Variants in RANBP3L observed in about 807,000 individuals in gnomAD.
RANBP3L encodes the protein ran-binding protein 3-like.
A neutral mutation model predicts 67.2 loss-of-function variants in RANBP3L; 56 were observed. The observed-to-expected ratio is 0.83, with a 90% CI of 0.67 to 1.04. RANBP3L has a LOEUF of 1.04. Among genes scored for constraint, RANBP3L ranks in the 50% least tolerant of loss-of-function variants. RANBP3L has a pLI of 0.00. For missense variants in RANBP3L, 496 were observed against 535.5 expected, an observed-to-expected ratio of 0.93 and a Z score of 0.73; for synonymous variants, 164 against 181.4, an observed-to-expected ratio of 0.90 and a Z score of 0.77.
At chr5:36,252,283 G>T (rs936796475) in intron 12 of RANBP3L, among the ~76,000 whole-genome samples, 1 of 151,634 alleles carries the variant, frequency 6.6e-6, no homozygotes, top group East Asian at 1.9e-4. Context: ...CGCATTAGTG[G>T]GATTAATGGA....
intron 1 of RANBP3L, among the ~76,000 whole-genome samples, chr5:36,297,012 T>A (rs1752263807): frequency 6.6e-6 from 1 of 152,104 alleles, no homozygotes; most frequent in Non-Finnish European, 1.5e-5. Context: ...TCTCTCACCC[T>A]CTCTCTTCTC....
At position 36,265,989 on chromosome 5, in the gene RANBP3L, A is replaced by AC. The variant is rs1561111191; in HGVS notation, c.269-470_269-469insG. On this transcript the variant is annotated intron_variant, in intron 4 of 13. Transcript: ENST00000296604. ...CGAGACTCCATTTCAAAAAAAAAAA[A>AC]AAAAAAAAAAAGATATTGCCGGATG... Among the ~76,000 whole-genome samples, 45 of 149,826 alleles carry AC rather than the reference A, an allele frequency of 3.0e-4. 1 individual carries two copies. Among genetic ancestry groups the AC allele is most frequent in the African/African-American group, 1.1e-3 (44 of 39,484 alleles).
At chr5:36,271,930 T>A (rs1344799255) in intron 1 of RANBP3L, among the ~76,000 whole-genome samples, 1 of 152,172 alleles carries the variant, frequency 6.6e-6, no homozygotes, top group Non-Finnish European at 1.5e-5. Flanking sequence ...AGAGAGAAAC[T>A]CATTCATTCT....
chr5:36,288,221 T>C (rs1004331750), intron 1 of RANBP3L, among the ~76,000 whole-genome samples: 3 of 152,354 alleles, frequency 2.0e-5, no homozygotes, highest in East Asian at 3.9e-4. Context: ...TAGTTTTGCC[T>C]GTAGAAATAT....
At position 36,265,113 on chromosome 5, in the gene RANBP3L, A is replaced by G; in HGVS notation, c.341-15T>C. ...TTTCACAGGACCTTAAAAGAATAGA[A>G]TTAAAGGATAAATATATGTTTACTG... On this transcript the variant is annotated splice_polypyrimidine_tract_variant and intron_variant, in intron 5 of 13. Transcript: ENST00000296604. 1 of 1,499,368 alleles carries G rather than the reference A, an allele frequency of 6.7e-7. No individual in the cohort carries two copies. Among genetic ancestry groups the G allele is most frequent in the Non-Finnish European group, 9.2e-7 (1 of 1,090,258 alleles). 92.9% of individuals were successfully genotyped at this position (1,499,368 alleles called of 1,614,324 possible). A position where few individuals can be genotyped will look rare whatever the true frequency, so the allele number is the denominator to read the frequency against.
chr5:36,296,214 T>C (rs889704204), intron 1 of RANBP3L, among the ~76,000 whole-genome samples: 6 of 152,164 alleles, frequency 3.9e-5, no homozygotes, highest in African/African-American at 7.2e-5. Flanking sequence ...AATTATCAAA[T>C]CTGAGGGGTT....
Position 36,301,511 on chromosome 5 carries a change from CAT to C in RANBP3L, c.-97_-96del, listed in dbSNP as rs1377768354. 188 of 821,160 alleles carry C rather than the reference CAT, an allele frequency of 2.3e-4. 1 individual carries two copies. In the East Asian group the frequency reaches 4.4e-3, roughly 19 times the overall value. 50.9% of individuals were successfully genotyped at this position (821,160 alleles called of 1,614,324 possible). A position where few individuals can be genotyped will look rare whatever the true frequency, so the allele number is the denominator to read the frequency against. On this transcript the variant is annotated 5_prime_UTR_variant, in exon 1 of 14. An upstream start codon of the reference 5' UTR is lost. Transcript: ENST00000296604. ...GGCCTTCACCAGACACCCAGAAATA[CAT>C]AGATTCATGCAGATCTTGTCTTTGC...
intron 6 of RANBP3L, among the ~76,000 whole-genome samples, chr5:36,264,378 C>T (rs1374272158): frequency 6.6e-6 from 1 of 152,154 alleles, no homozygotes; most frequent in African/African-American, 2.4e-5. Flanking sequence ...TCCCCAAACC[C>T]ATATCTGCAC....
chr5:36,268,113 T>C lies in RANBP3L; in HGVS notation c.268+1277A>G, dbSNP rs970456623. On this transcript the variant is annotated intron_variant, in intron 4 of 13. Transcript: ENST00000296604. Reference sequence around the variant, plus strand: ...TAAAGTGTCAGCATTTTATGATCGCTAAAAAAGAAAAGTCATCATTAATAA... The same window carrying C: ...TAAAGTGTCAGCATTTTATGATCGCCAAAAAAGAAAAGTCATCATTAATAA... The C allele has an allele frequency of 3.0e-5, 28 of 934,068 alleles. No homozygotes were observed. In the African/African-American group the frequency reaches 4.2e-4, roughly 14 times the overall value. 57.9% of individuals were successfully genotyped at this position (934,068 alleles called of 1,614,324 possible). A position where few individuals can be genotyped will look rare whatever the true frequency, so the allele number is the denominator to read the frequency against.
intron 10 of RANBP3L, 110 bp downstream of exon 10, chr5:36,256,831 C>A: frequency 1.0e-6 from 1 of 976,820 alleles, no homozygotes; most frequent in Admixed American, 2.6e-5. Flanking sequence ...GCAACTTAGT[C>A]TCCATGAAAA....
intron 6 of RANBP3L, among the ~76,000 whole-genome samples, chr5:36,262,382 C>T (rs1749460297): frequency 6.6e-6 from 1 of 152,132 alleles, no homozygotes; most frequent in Admixed American, 6.5e-5. Context: ...GGTTAATTCT[C>T]ATTTCTGGAT....
chr5:36,262,657 G>T (rs184419561), intron 6 of RANBP3L, among the ~76,000 whole-genome samples: 9 of 152,106 alleles, frequency 5.9e-5, no homozygotes, highest in African/African-American at 1.7e-4. Context: ...TCCTCGACCA[G>T]GAATTTGCAA....
chr5:36,279,236 T>C (rs550932165), intron 1 of RANBP3L, among the ~76,000 whole-genome samples: 15 of 152,212 alleles, frequency 9.9e-5, no homozygotes, highest in African/African-American at 3.6e-4. Context: ...AAGGGGCAAA[T>C]TGTATCCCCA....
At chr5:36,271,484 G>T (rs911703598) in intron 1 of RANBP3L, among the ~76,000 whole-genome samples, 173 bp from the exon 2 acceptor site, 2 of 151,976 alleles carry the variant, frequency 1.3e-5, no homozygotes, top group African/African-American at 4.8e-5. Context: ...TAATTTAACA[G>T]TTAATTACAG....
chr5:36,270,862 A>G (rs1294173966), intron 2 of RANBP3L, among the ~76,000 whole-genome samples: 1 of 152,254 alleles, frequency 6.6e-6, no homozygotes. Flanking sequence ...AAGCAGACAG[A>G]GTTCAGAAGA....
At chr5:36,284,075 C>A (rs979977428) in intron 1 of RANBP3L, among the ~76,000 whole-genome samples, 5 of 152,106 alleles carry the variant, frequency 3.3e-5, no homozygotes, top group African/African-American at 1.2e-4. Flanking sequence ...CCTCCACCTC[C>A]CGGATTCAAG....
chr5:36,265,496 G>A lies in RANBP3L; in HGVS notation c.293C>T (p.Thr98Ile), dbSNP rs762685212. ...QGVRKNNVFMTSALVQSSVDI... is the reference protein window; with the variant it reads ...QGVRKNNVFMISALVQSSVDI... The stretch of plus-strand genomic sequence containing the variant: ...AACACTACTTTGCACAAGAGCTGAT[G>A]TCATAAAAACATTGTTTTTCCTCAC... The change falls in exon 5 of 14, where the codon ACA becomes ATA. Residue 98 changes from threonine to isoleucine, a missense_variant. Physicochemically the swap from Thr to Ile is moderately conservative, Grantham distance 89 (BLOSUM62 -1). Coordinates refer to ENST00000296604, the MANE Select transcript of RANBP3L (RefSeq NM_145000.5). 1.9e-6 allele frequency: 3 copies of A among 1,604,066 alleles called. No homozygotes were observed. Among genetic ancestry groups the A allele is most frequent in the East Asian group, 2.2e-5 (1 of 44,786 alleles).
rs1164589937 is a variant in RANBP3L, at chr5:36,247,510, C to G, written c.*2144G>C. Among the ~76,000 whole-genome samples the G allele has an allele frequency of 6.6e-6, 1 of 152,144 alleles. No individual in the cohort carries two copies. Among genetic ancestry groups the G allele is most frequent in the Non-Finnish European group, 1.5e-5 (1 of 68,020 alleles). On this transcript the variant is annotated 3_prime_UTR_variant, in exon 14 of 14. Transcript: ENST00000296604. The stretch of plus-strand genomic sequence containing the variant: ...TCTAAAGAAAATCATAGAATGAATT[C>G]AACTTAAAATGTTTCAAGCATTGAG...
In RANBP3L at chr5:36,247,965, C is replaced by T; in HGVS notation, c.*1689G>A. 6.6e-6 allele frequency among the ~76,000 whole-genome samples: 1 copy of T among 152,172 alleles called. No individual in the cohort carries two copies. Among genetic ancestry groups the T allele is most frequent in the East Asian group, 1.9e-4 (1 of 5,194 alleles). On this transcript the variant is annotated 3_prime_UTR_variant, in exon 14 of 14. Transcript: ENST00000296604. ...CAATTTATAGTGCAATCACAATGTTCCCACATCAGCTGAGATCTTAACAAT... is the reference window on the plus strand; with the variant it reads ...CAATTTATAGTGCAATCACAATGTTTCCACATCAGCTGAGATCTTAACAAT...
Sources: allele counts gnomAD v4.1 joint callset (sites outside exome capture counted in the v4.1 genomes callset), GRCh38; gene constraint gnomAD v4.1.1; transcripts MANE v1.5; gene names NCBI Gene and HGNC (gene_info 2026-07-23, HGNC 2026-07-21).